The following CACNG3 variants were observed in gnomAD, a reference collection of about 807,000 sequenced individuals.
The protein encoded by CACNG3 is voltage-dependent calcium channel gamma-3 subunit.
In CACNG3, 3 loss-of-function variants were observed where a neutral mutation model predicts 28.5. The ratio of observed to expected loss-of-function variants is 0.11; its 90% CI spans 0.05 to 0.27. The LOEUF (loss-of-function observed/expected upper bound fraction) is 0.27, where lower values mean the gene tolerates loss of function less well. Ranked by LOEUF, CACNG3 falls within the 10% of genes least tolerant of loss-of-function variation. The probability of loss-of-function intolerance (pLI) is 1.00; values close to 1 mark genes in which losing one functional copy is unlikely to be tolerated. For missense variants in CACNG3, 236 were observed against 414.4 expected, an observed-to-expected ratio of 0.57 and a Z score of 3.74; for synonymous variants, 174 against 162.2, an observed-to-expected ratio of 1.07 and a Z score of -0.55.
chr16:24,345,147 A>G (rs907155923), intron 1 of CACNG3, among the ~76,000 whole-genome samples: 1 of 152,186 alleles, frequency 6.6e-6, no homozygotes, highest in Admixed American at 6.5e-5. Flanking sequence ...TCTCATGTTC[A>G]TGTATAGCTT....
rs772013394 is a variant in CACNG3, at chr16:24,346,704, C to T, written c.212-30C>T. 8.3e-6 allele frequency: 13 copies of T among 1,566,594 alleles called. No homozygotes were observed. The Middle Eastern group carries it at 5.1e-4, about 61-fold the overall frequency. On this transcript the variant is annotated intron_variant, in intron 1 of 3. Coordinates refer to ENST00000005284, the MANE Select transcript of CACNG3 (RefSeq NM_006539.4). ...GCCCCCAGAGCTCTGTCTCCTCCCC[C>T]AGGCTCAGAACCCTTATCTGTTTCC...
At chr16:24,307,184 C>T (rs1320906046) in intron 1 of CACNG3, among the ~76,000 whole-genome samples, 3 of 152,034 alleles carry the variant, frequency 2.0e-5, no homozygotes, top group African/African-American at 4.8e-5. Context: ...TGCAGTGGCG[C>T]GATCTCAGCT....
intron 2 of CACNG3, among the ~76,000 whole-genome samples, chr16:24,347,525 G>T (rs1030803799): frequency 6.6e-6 from 1 of 152,204 alleles, no homozygotes; most frequent in Admixed American, 6.5e-5. Flanking sequence ...AGGGTTGATT[G>T]GAGGTGCTAA....
intron 1 of CACNG3, among the ~76,000 whole-genome samples, chr16:24,280,012 G>A (rs1425253113): frequency 2.6e-5 from 4 of 152,216 alleles, no homozygotes; most frequent in Non-Finnish European, 5.9e-5. Context: ...TTTTGATCAG[G>A]AAACAGTCAA....
intron 1 of CACNG3, among the ~76,000 whole-genome samples, chr16:24,282,890 G>A (rs1455995899): frequency 6.6e-6 from 1 of 151,930 alleles, no homozygotes; most frequent in African/African-American, 2.4e-5. Flanking sequence ...TTTGGACAGA[G>A]TCTCACTCTG....
chr16:24,324,593 T>C (rs1396651462), intron 1 of CACNG3, among the ~76,000 whole-genome samples: 2 of 152,186 alleles, frequency 1.3e-5, no homozygotes. Context: ...TCATTCTCCA[T>C]CTGGCAGCCT....
intron 1 of CACNG3, among the ~76,000 whole-genome samples, chr16:24,263,103 T>C (rs1401610989): frequency 1.3e-5 from 2 of 152,164 alleles, no homozygotes; most frequent in Non-Finnish European, 2.9e-5. Flanking sequence ...AGTTAGATAT[T>C]TACTTGTAGA....
At chr16:24,360,004 A>G in intron 3 of CACNG3, among the ~76,000 whole-genome samples, 1 of 152,208 alleles carries the variant, frequency 6.6e-6, no homozygotes, top group East Asian at 1.9e-4. Context: ...GACTGTAGGG[A>G]GATCTTGGGG....
chr16:24,270,522 A>G (rs1596622088), intron 1 of CACNG3, among the ~76,000 whole-genome samples: 1 of 152,214 alleles, frequency 6.6e-6, no homozygotes, highest in Admixed American at 6.5e-5. Context: ...GCGCAGCATA[A>G]TAATTGCTCT....
intron 1 of CACNG3, among the ~76,000 whole-genome samples, chr16:24,303,124 T>C (rs1013476436): frequency 1.3e-5 from 2 of 152,072 alleles, no homozygotes; most frequent in Non-Finnish European, 2.9e-5. Context: ...ATGGTGATTG[T>C]TAAGGTGCAA....
intron 1 of CACNG3, among the ~76,000 whole-genome samples, chr16:24,265,382 GA>G (rs1374259594): frequency 1.4e-5 from 2 of 142,576 alleles, no homozygotes; most frequent in African/African-American, 5.2e-5. Flanking sequence ...AAGAAAGAAA[GA>G]AAAGAAAGAA....
chr16:24,301,642 T>A (rs751271278), intron 1 of CACNG3, among the ~76,000 whole-genome samples: 19 of 152,162 alleles, frequency 1.2e-4, no homozygotes, highest in Admixed American at 3.9e-4. Flanking sequence ...CCTGGGGCTA[T>A]GGGGATTGGT....
chr16:24,292,184 T>G (rs1252383296), intron 1 of CACNG3, among the ~76,000 whole-genome samples: 1 of 152,100 alleles, frequency 6.6e-6, no homozygotes, highest in Non-Finnish European at 1.5e-5. Context: ...GATTTGAATA[T>G]GCATGTACTG....
chr16:24,349,649 CA>C (rs1244505030), intron 2 of CACNG3, among the ~76,000 whole-genome samples: 15 of 152,288 alleles, frequency 9.8e-5, no homozygotes, highest in African/African-American at 3.4e-4. Flanking sequence ...TTATAATTAG[CA>C]TATAATGAGC....
chr16:24,288,696 G>C (rs879717919), intron 1 of CACNG3, among the ~76,000 whole-genome samples: 3 of 152,158 alleles, frequency 2.0e-5, no homozygotes, highest in Non-Finnish European at 4.4e-5. Flanking sequence ...ACAGCCTGCT[G>C]TCTCCATGGA....
At chr16:24,271,544 C>T (rs542335221) in intron 1 of CACNG3, among the ~76,000 whole-genome samples, 1 of 152,322 alleles carries the variant, frequency 6.6e-6, no homozygotes, top group South Asian at 2.1e-4. Context: ...GCTTCCCCTT[C>T]TCAGCCTGGA....
intron 1 of CACNG3, among the ~76,000 whole-genome samples, chr16:24,310,796 C>T (rs1265485468): frequency 6.6e-6 from 1 of 152,134 alleles, no homozygotes; most frequent in Non-Finnish European, 1.5e-5. Context: ...GATAGTCTGC[C>T]TCTAGAGTCT....
intron 1 of CACNG3, among the ~76,000 whole-genome samples, chr16:24,333,003 G>A (rs1038190021): frequency 6.6e-6 from 1 of 152,170 alleles, no homozygotes; most frequent in Non-Finnish European, 1.5e-5. Context: ...ATGATGATGT[G>A]ATAGACACAT....
chr16:24,257,992 G>T (rs1180509715), intron 1 of CACNG3, among the ~76,000 whole-genome samples: 1 of 152,184 alleles, frequency 6.6e-6, no homozygotes, highest in Admixed American at 6.5e-5. Flanking sequence ...CCTGAGGGAA[G>T]TCACTGGATT....
Sources: allele counts gnomAD v4.1 joint callset (sites outside exome capture counted in the v4.1 genomes callset), GRCh38; gene constraint gnomAD v4.1.1; transcripts MANE v1.5; gene names NCBI Gene and HGNC (gene_info 2026-07-23, HGNC 2026-07-21).